Variants in NDRG2 observed in about 807,000 individuals in gnomAD.
The protein encoded by NDRG2 is protein NDRG2.
Under a neutral mutation model 58.2 loss-of-function variants are expected in NDRG2, and 34 were observed. The ratio of observed to expected loss-of-function variants is 0.58; its 90% confidence interval spans 0.44 to 0.78. NDRG2 has a LOEUF of 0.78. Among genes scored for constraint, NDRG2 ranks in the 30% least tolerant of loss-of-function variants. NDRG2 has a pLI of 0.00. For missense variants in NDRG2, 434 were observed against 471.2 expected (o/e 0.92, Z 0.73); for synonymous variants, 187 against 175.9 (o/e 1.06, Z -0.50).
chr14:21,029,640 A>G (rs1328720838), upstream of NDRG2, among the ~76,000 whole-genome samples: 4 of 152,148 alleles, frequency 2.6e-5, no homozygotes, highest in South Asian at 2.1e-4. Flanking sequence ...CCTAACTCCC[A>G]AAGTCATGGT....
intron 3 of NDRG2, 55 bp downstream of exon 3, chr14:21,022,809 A>G: frequency 2.5e-6 from 4 of 1,570,472 alleles, no homozygotes; most frequent in Non-Finnish European, 3.5e-6. Context: ...CCATCCTTCT[A>G]CTGGGGAAGA....
chr14:21,047,621 A>G (rs934552999), intron 1 of NDRG2, among the ~76,000 whole-genome samples: 20 of 152,162 alleles, frequency 1.3e-4, no homozygotes, highest in African/African-American at 4.8e-4. Context: ...CTTAATTATG[A>G]GATATTTATG....
chr14:21,024,323 AGAAG>A lies in NDRG2; in HGVS notation c.-304_-301del. On this transcript the variant is annotated 5_prime_UTR_variant, in exon 1 of 16. The change creates a premature stop within an existing upstream ORF in the 5' untranslated region. Coordinates refer to ENST00000556147, the MANE Select transcript of NDRG2 (RefSeq NM_001320329.2). ...CATCAGTTCAGGCTGCGCGGAGGAG[AGAAG>A]GAAGTGCTGATGTGGAGGTAAGAGG... 1.0e-6 allele frequency: 1 copy of A among 984,898 alleles called. No individual in the cohort carries two copies. 61.0% of individuals were successfully genotyped at this position (984,898 alleles called of 1,614,324 possible).
chr14:21,042,908 C>T, intron 1 of NDRG2: 2 of 1,129,208 alleles, frequency 1.8e-6, no homozygotes, highest in Non-Finnish European at 2.5e-6. Flanking sequence ...CTCATATGAG[C>T]AGGTATAAGA....
In NDRG2 at chr14:21,017,271, TACA is replaced by T. The variant is rs1877286408; in HGVS notation, c.*322_*324del. 1 of 407,086 alleles carries T rather than the reference TACA, an allele frequency of 2.5e-6. No homozygotes were observed. Among genetic ancestry groups the T allele is most frequent in the African/African-American group, 2.0e-5 (1 of 48,926 alleles). The allele number at this position is 407,086 out of a possible 1,614,324, so 25.2% of individuals were successfully genotyped here. On this transcript the variant is annotated 3_prime_UTR_variant, in exon 16 of 16. Transcript: ENST00000556147. The stretch of plus-strand genomic sequence containing the variant: ...AGTCTGATGGAGGCACCAGGACAAC[TACA>T]ACAACCTCTTACCCCTCAGCTATAG...
chr14:21,030,539 C>T (rs1373692112), upstream of NDRG2: 9 of 1,597,454 alleles, frequency 5.6e-6, no homozygotes, highest in South Asian at 1.1e-5. Context: ...TCCTTCACCC[C>T]CAAGTGTCTC....
intron 1 of NDRG2, among the ~76,000 whole-genome samples, chr14:21,059,720 AAACTCCTGGGCTCAAGCGATCCCTC>A (rs1885857689): frequency 7.3e-6 from 1 of 136,586 alleles, no homozygotes; most frequent in African/African-American, 2.7e-5. Context: ...GGCTGGTCTC[AAACTCCTGGGCTCAAGCGATCCCTC>A]AACTCCTGGG....
At chr14:21,043,628 G>A (rs1885015511) in intron 1 of NDRG2, 1 of 606,876 alleles carries the variant, frequency 1.6e-6, no homozygotes, top group African/African-American at 1.9e-5. Flanking sequence ...CTGAGCTCTA[G>A]AGGGATGGCT....
At chr14:21,025,810 G>T, upstream of NDRG2, 2 of 765,806 alleles carry the variant, frequency 2.6e-6, no homozygotes, top group Non-Finnish European at 3.2e-6. The surrounding 1 kb of genome is among the most constrained non-coding windows in gnomAD (Gnocchi z 5.1). Context: ...GCAGGCGGGG[G>T]GTGGGGAGAG....
At chr14:21,040,656 T>C (rs889351345) in intron 1 of NDRG2, among the ~76,000 whole-genome samples, 16 of 152,206 alleles carry the variant, frequency 1.1e-4, no homozygotes, top group African/African-American at 3.6e-4. Flanking sequence ...CTCAGTTACC[T>C]GCTCCAGCCA....
intron 2 of NDRG2, 165 bp from the exon 3 acceptor site, chr14:21,023,070 G>T: frequency 1.0e-6 from 1 of 961,402 alleles, no homozygotes; most frequent in Middle Eastern, 2.1e-4. Flanking sequence ...TTAGTGTAGT[G>T]ACGAGACAAG....
At position 21,032,432 on chromosome 14, in the gene NDRG2, C is replaced by T. The variant is rs1224616208; in HGVS notation, c.25-9111G>A. On this transcript the variant is annotated intron_variant, in intron 1 of 14. Transcript: ENST00000403829. ...CACATTACTGATATCCACCTCTCCA[C>T]CCCCACCCCTCAAAAGGGTGTAGCA... 1.4e-5 allele frequency: 6 copies of T among 424,668 alleles called. 1 individual carries two copies. Among genetic ancestry groups the T allele is most frequent in the Admixed American group, 1.0e-4 (4 of 38,824 alleles). 26.3% of individuals were successfully genotyped at this position (424,668 alleles called of 1,614,324 possible).
At chr14:21,025,920 C>A (rs2139052129), upstream of NDRG2, 1 of 165,630 alleles carries the variant, frequency 6.0e-6, no homozygotes, top group East Asian at 1.9e-4. The surrounding 1 kb of genome is among the most constrained non-coding windows in gnomAD (Gnocchi z 5.1). Context: ...GGCGCAGGGG[C>A]GGAGTTAACC....
At chr14:21,023,216 T>C in intron 2 of NDRG2, 25 bp downstream of exon 2, 1 of 1,605,528 alleles carries the variant, frequency 6.2e-7, no homozygotes. Context: ...AATTTGGGCA[T>C]GGGAGTCAAA....
chr14:21,070,351 GCCCCGCCCGC>G lies in NDRG2; in HGVS notation c.24+467_24+476del. On this transcript the variant is annotated intron_variant, in intron 1 of 14. Transcript: ENST00000403829. The surrounding 1 kb of genome is among the most constrained non-coding windows in gnomAD (Gnocchi z 4.7). Reference sequence around the variant, plus strand: ...CGGGAGGGAGGCGGTGGCGCGCCCGGCCCCGCCCGCCCGACCAAGCGTCGGACGCGGCCCG... The same window carrying G: ...CGGGAGGGAGGCGGTGGCGCGCCCGGCCGACCAAGCGTCGGACGCGGCCCG... The G allele has an allele frequency of 7.1e-7, 1 of 1,404,152 alleles. No individual in the cohort carries two copies. The highest frequency in any genetic ancestry group is 1.5e-5 in the South Asian group (1 of 65,822). The allele number at this position is 1,404,152 out of a possible 1,614,324, so 87.0% of individuals were successfully genotyped here. A position where few individuals can be genotyped will look rare whatever the true frequency, so the allele number is the denominator to read the frequency against.
chr14:21,018,334 C>G, intron 13 of NDRG2, 95 bp from the exon 14 acceptor site: 1 of 1,602,972 alleles, frequency 6.2e-7, no homozygotes, highest in South Asian at 1.1e-5. Flanking sequence ...CTTCTTCACT[C>G]TAGCCCCTTT....
chr14:21,041,797 G>T (rs557903182), intron 1 of NDRG2, among the ~76,000 whole-genome samples: 44 of 152,350 alleles, frequency 2.9e-4, no homozygotes, highest in African/African-American at 1.0e-3. Flanking sequence ...GGAGAGGCCT[G>T]TGAATCATTG....
At chr14:21,045,251 A>G (rs4981353) in intron 1 of NDRG2, among the ~76,000 whole-genome samples, 42,297 of 152,058 alleles carry the variant, frequency 0.28, 7,132 homozygotes, top group Admixed American at 0.37. Context: ...TGAGATGATG[A>G]GGAGAGAAAG....
chr14:21,027,003 G>C (rs1172374254), upstream of NDRG2, among the ~76,000 whole-genome samples: 5 of 152,154 alleles, frequency 3.3e-5, no homozygotes, highest in Admixed American at 2.6e-4. Flanking sequence ...ACTTGGAGTG[G>C]GGGAGGGAAG....
Sources: gnomAD v4.1 joint callset for allele counts (sites outside exome capture counted in the v4.1 genomes callset) on GRCh38, gnomAD v4.1.1 for gene constraint, Gnocchi (gnomAD v3.1) non-coding constraint, MANE v1.5 for transcripts, NCBI Gene and HGNC (gene_info 2026-07-23, HGNC 2026-07-21) for gene names.